SGCZ: variants seen among roughly 807,000 people sequenced by gnomAD.
SGCZ encodes sarcoglycan zeta.
Under a neutral mutation model 41.3 loss-of-function variants are expected in SGCZ, and 40 were observed. The ratio of observed to expected loss-of-function variants is 0.97; its 90% CI spans 0.75 to 1.26. The LOEUF (loss-of-function observed/expected upper bound fraction) is 1.26. Ranked by LOEUF, SGCZ falls within the 50% of genes most tolerant of loss-of-function variation. SGCZ has a pLI of 0.00. For synonymous variants in SGCZ, 206 were observed against 137.5 expected (o/e 1.50, Z -3.49); for missense variants, 552 against 369.8 (o/e 1.49, Z -4.04).
chr8:14,621,057 A>G (rs1312260164), intron 1 of SGCZ, among the ~76,000 whole-genome samples: 1 of 152,130 alleles, frequency 6.6e-6, no homozygotes, highest in Admixed American at 6.5e-5. Context: ...CATCAATGAT[A>G]GATTGGATTA....
intron 1 of SGCZ, among the ~76,000 whole-genome samples, chr8:14,739,240 A>G (rs1799132293): frequency 6.6e-6 from 1 of 152,046 alleles, no homozygotes; most frequent in Non-Finnish European, 1.5e-5. Context: ...ATATCTAAAT[A>G]CAGCATCTGC....
At chr8:14,193,586 T>A (rs1019431550) in intron 4 of SGCZ, among the ~76,000 whole-genome samples, 105 of 152,228 alleles carry the variant, frequency 6.9e-4, no homozygotes, top group African/African-American at 2.5e-3. Flanking sequence ...AATAATTTAA[T>A]TTTGCACATT....
intron 1 of SGCZ, among the ~76,000 whole-genome samples, chr8:14,559,114 T>C (rs1804128968): frequency 6.6e-6 from 1 of 152,030 alleles, no homozygotes; most frequent in South Asian, 2.1e-4. Flanking sequence ...AACATAGTAC[T>C]AGAAGTCCTA....
intron 3 of SGCZ, among the ~76,000 whole-genome samples, chr8:14,245,634 A>C (rs539142673): frequency 1.3e-4 from 20 of 152,196 alleles, no homozygotes; most frequent in African/African-American, 4.8e-4. Context: ...ACAGCAAAAG[A>C]AACTACCATC....
At chr8:14,686,781 G>T (rs1237338473) in intron 1 of SGCZ, among the ~76,000 whole-genome samples, 1 of 151,970 alleles carries the variant, frequency 6.6e-6, no homozygotes, top group Admixed American at 6.6e-5. Context: ...TGTAATGATT[G>T]CAAAAAGAAT....
At chr8:14,985,892 G>A (rs76435708) in intron 1 of SGCZ, among the ~76,000 whole-genome samples, 11,521 of 152,214 alleles carry the variant, frequency 0.076, 673 homozygotes, top group African/African-American at 0.15. Context: ...AATGAATGTG[G>A]CAGAAAACAG....
intron 1 of SGCZ, among the ~76,000 whole-genome samples, chr8:14,631,772 G>A (rs1343820649): frequency 6.6e-6 from 1 of 152,050 alleles, no homozygotes; most frequent in East Asian, 1.9e-4. Flanking sequence ...ATAGAACTGA[G>A]AGTTAGGAAA....
intron 1 of SGCZ, among the ~76,000 whole-genome samples, chr8:14,737,803 T>C (rs1563236211): frequency 6.6e-6 from 1 of 152,112 alleles, no homozygotes; most frequent in Non-Finnish European, 1.5e-5. Flanking sequence ...AGAAACTTTT[T>C]TCCAAACATG....
intron 2 of SGCZ, among the ~76,000 whole-genome samples, chr8:14,418,108 C>T (rs910761926): frequency 4.0e-5 from 6 of 151,880 alleles, no homozygotes; most frequent in South Asian, 2.1e-4. Flanking sequence ...TAAAGACACA[C>T]GCCCTGCCTT....
chr8:15,173,535 A>G (rs1014490315), intron 1 of SGCZ, among the ~76,000 whole-genome samples: 2 of 152,178 alleles, frequency 1.3e-5, no homozygotes, highest in Non-Finnish European at 2.9e-5. Context: ...TGCCTTGTAT[A>G]TTATAATATG....
chr8:14,713,635 A>G (rs1362356937), intron 1 of SGCZ, among the ~76,000 whole-genome samples: 10 of 152,010 alleles, frequency 6.6e-5, no homozygotes, highest in Non-Finnish European at 1.5e-4. Context: ...ATTGATCAGG[A>G]AATAAAACAA....
intron 1 of SGCZ, among the ~76,000 whole-genome samples, chr8:14,903,244 A>C (rs1799024844): frequency 6.6e-6 from 1 of 152,176 alleles, no homozygotes; most frequent in African/African-American, 2.4e-5. Context: ...TTCTCATGAC[A>C]AATGGCAAAT....
At chr8:15,111,382 C>T (rs547407666) in intron 1 of SGCZ, among the ~76,000 whole-genome samples, 1 of 152,290 alleles carries the variant, frequency 6.6e-6, no homozygotes, top group South Asian at 2.1e-4. Flanking sequence ...CAAGCGTGGA[C>T]CATCCCTTCA....
intron 3 of SGCZ, among the ~76,000 whole-genome samples, chr8:14,265,111 A>G (rs1799827146): frequency 6.6e-6 from 1 of 152,226 alleles, no homozygotes; most frequent in South Asian, 2.1e-4. Context: ...CCAAACAGAC[A>G]AAATAAGGCA....
At chr8:14,750,697 C>T (rs1211320285) in intron 1 of SGCZ, among the ~76,000 whole-genome samples, 1 of 152,050 alleles carries the variant, frequency 6.6e-6, no homozygotes, top group East Asian at 1.9e-4. Context: ...CAGATATGAA[C>T]TAGAATATTT....
At chr8:14,464,265 G>T (rs779209266) in intron 2 of SGCZ, among the ~76,000 whole-genome samples, 7 of 150,124 alleles carry the variant, frequency 4.7e-5, no homozygotes, top group Non-Finnish European at 5.9e-5. Context: ...TTTGTCAGGA[G>T]ATTTTTTTTT....
chr8:14,470,007 C>G (rs1801169088), intron 2 of SGCZ, among the ~76,000 whole-genome samples: 1 of 152,052 alleles, frequency 6.6e-6, no homozygotes, highest in African/African-American at 2.4e-5. Context: ...TGATGGGAAC[C>G]CCAGCTTGAA....
intron 1 of SGCZ, among the ~76,000 whole-genome samples, chr8:14,775,403 T>C (rs543109257): frequency 2.6e-5 from 4 of 152,144 alleles, no homozygotes; most frequent in East Asian, 3.9e-4. Flanking sequence ...TTCACTTACC[T>C]AATTATTTTC....
At chr8:14,309,207 T>G in intron 3 of SGCZ, 6 of 1,492,284 alleles carry the variant, frequency 4.0e-6, no homozygotes, top group Non-Finnish European at 5.6e-6. Flanking sequence ...CTGCGGCTGA[T>G]CTCTAAGTTT....
Sources: allele counts gnomAD v4.1 joint callset (sites outside exome capture counted in the v4.1 genomes callset), GRCh38; gene constraint gnomAD v4.1.1; transcripts MANE v1.5; gene names NCBI Gene and HGNC (gene_info 2026-07-23, HGNC 2026-07-21).